Variants in RBM20 observed in about 807,000 individuals in gnomAD.
RBM20 encodes RNA-binding protein 20.
RBM20 carries 51 observed loss-of-function variants against 110.1 expected under a neutral mutation model. That is an observed-to-expected ratio of 0.46 (90% confidence interval 0.37 to 0.59). RBM20 has a LOEUF of 0.59. RBM20 is among the 20% of genes least tolerant of loss of function. The probability of loss-of-function intolerance (pLI) is 0.00; values close to 1 mark genes in which losing one functional copy is unlikely to be tolerated. For synonymous variants in RBM20, 589 were observed against 618.2 expected (o/e 0.95, Z 0.70); for missense variants, 1,512 against 1,574.9 (o/e 0.96, Z 0.68).
intron 1 of RBM20, among the ~76,000 whole-genome samples, chr10:110,716,783 G>A (rs1261839375): frequency 2.0e-5 from 3 of 151,926 alleles, no homozygotes; most frequent in Non-Finnish European, 2.9e-5. Context: ...CAGGTGTGGT[G>A]GTGGGCGCCT....
chr10:110,816,892 A>G (rs1844846977), intron 9 of RBM20, among the ~76,000 whole-genome samples: 1 of 152,222 alleles, frequency 6.6e-6, no homozygotes, highest in East Asian at 1.9e-4. Context: ...TACTGTAAAG[A>G]GGTCATGCTC....
chr10:110,813,955 G>C (rs1286489240), intron 9 of RBM20, among the ~76,000 whole-genome samples: 1 of 152,020 alleles, frequency 6.6e-6, no homozygotes, highest in Non-Finnish European at 1.5e-5. Flanking sequence ...GAGGGTTGTG[G>C]TTACCAGGTT....
intron 12 of RBM20, among the ~76,000 whole-genome samples, chr10:110,824,540 A>T (rs997069019): frequency 2.6e-5 from 4 of 152,116 alleles, no homozygotes; most frequent in African/African-American, 9.7e-5. Context: ...CCTCTCTGTA[A>T]TTTAGACAGC....
chr10:110,670,332 G>C (rs906597608), intron 1 of RBM20, among the ~76,000 whole-genome samples: 31 of 152,200 alleles, frequency 2.0e-4, no homozygotes, highest in Admixed American at 6.5e-4. Flanking sequence ...CTCTTTCCCA[G>C]GGACTGTTGG....
intron 1 of RBM20, among the ~76,000 whole-genome samples, chr10:110,746,590 C>G (rs1248708550): frequency 2.0e-5 from 3 of 152,208 alleles, no homozygotes; most frequent in Non-Finnish European, 2.9e-5. Context: ...AAGGCCGGCA[C>G]CAAATTCCAC....
intron 1 of RBM20, among the ~76,000 whole-genome samples, chr10:110,684,659 G>GTA: frequency 6.6e-6 from 1 of 152,292 alleles, no homozygotes; most frequent in East Asian, 1.9e-4. Context: ...CACTCATAAT[G>GTA]GGAAATTGCA....
Position 110,821,144 on chromosome 10 carries a change from G to A in RBM20, c.2656-131G>A, listed in dbSNP as rs564634329. 8.6e-4 allele frequency: 653 copies of A among 760,342 alleles called. 1 individual carries two copies. The highest frequency in any genetic ancestry group is 2.5e-3 in the Admixed American group (91 of 36,446). 47.1% of individuals were successfully genotyped at this position (760,342 alleles called of 1,614,324 possible). ...TGCCGTGGGACTTGAGTGGTTCACA[G>A]TAATTGTACCAGGTAGAGGTAAGAA... On this transcript the variant is annotated intron_variant, in intron 10 of 13. Coordinates refer to ENST00000369519, the MANE Select transcript of RBM20 (RefSeq NM_001134363.3).
At chr10:110,718,493 T>C (rs1007535428) in intron 1 of RBM20, among the ~76,000 whole-genome samples, 2 of 151,988 alleles carry the variant, frequency 1.3e-5, no homozygotes, top group African/African-American at 4.8e-5. Flanking sequence ...CATGCATAGA[T>C]AGTTTGTTTT....
intron 1 of RBM20, among the ~76,000 whole-genome samples, chr10:110,660,872 A>C (rs1590601041): frequency 6.6e-6 from 1 of 152,260 alleles, no homozygotes; most frequent in East Asian, 1.9e-4. Flanking sequence ...GTCCATGGAA[A>C]AATTGTCTTC....
chr10:110,727,405 A>T (rs1242745536), intron 1 of RBM20, among the ~76,000 whole-genome samples: 21 of 139,138 alleles, frequency 1.5e-4, no homozygotes, highest in African/African-American at 3.9e-4. Flanking sequence ...GTCTCAAAAA[A>T]TAAAAATAAA....
chr10:110,715,956 A>G (rs970901053), intron 1 of RBM20, among the ~76,000 whole-genome samples: 1 of 152,198 alleles, frequency 6.6e-6, no homozygotes, highest in African/African-American at 2.4e-5. Flanking sequence ...AAAGAACTAG[A>G]TGAGCATGAG....
chr10:110,674,549 C>T (rs921396240), intron 1 of RBM20, among the ~76,000 whole-genome samples: 7 of 152,228 alleles, frequency 4.6e-5, no homozygotes, highest in Non-Finnish European at 8.8e-5. Flanking sequence ...TCAATAATGT[C>T]TCCCAAGTCT....
At chr10:110,743,821 A>G (rs1328879043) in intron 1 of RBM20, among the ~76,000 whole-genome samples, 1 of 152,072 alleles carries the variant, frequency 6.6e-6, no homozygotes, top group Non-Finnish European at 1.5e-5. Flanking sequence ...TCACCATGTT[A>G]GCCAGGCTGG....
chr10:110,684,433 AAG>A (rs1348602932), intron 1 of RBM20, among the ~76,000 whole-genome samples: 1 of 151,860 alleles, frequency 6.6e-6, no homozygotes, highest in African/African-American at 2.4e-5. Flanking sequence ...ACAAAAGAAA[AAG>A]AAAAAGAAAA....
At chr10:110,678,699 C>T (rs183970496) in intron 1 of RBM20, among the ~76,000 whole-genome samples, 1 of 152,270 alleles carries the variant, frequency 6.6e-6, no homozygotes, top group Admixed American at 6.5e-5. Context: ...AGCCTGATGA[C>T]CTTGAAAGAT....
chr10:110,717,105 A>G (rs1863031256), intron 1 of RBM20, among the ~76,000 whole-genome samples: 2 of 151,988 alleles, frequency 1.3e-5, no homozygotes, highest in Admixed American at 1.3e-4. Context: ...AGGCCCCAGC[A>G]CTAGTGTGGC....
chr10:110,645,330 T>C (rs1448908329), intron 1 of RBM20, among the ~76,000 whole-genome samples: 2 of 152,200 alleles, frequency 1.3e-5, no homozygotes, highest in South Asian at 2.1e-4. Context: ...TTGAGGAACA[T>C]ACAAGTAAAA....
chr10:110,762,867 CAG>C (rs1844024989), intron 1 of RBM20, among the ~76,000 whole-genome samples: 1 of 152,182 alleles, frequency 6.6e-6, no homozygotes, highest in South Asian at 2.1e-4. Context: ...TGAAAGAAGA[CAG>C]AGAGAGGAAG....
At chr10:110,768,040 C>T (rs1844131132) in intron 1 of RBM20, among the ~76,000 whole-genome samples, 1 of 152,236 alleles carries the variant, frequency 6.6e-6, no homozygotes, top group South Asian at 2.1e-4. Context: ...CCAGCCCGGC[C>T]AACACAGCGA....
Sources: allele counts gnomAD v4.1 joint callset (sites outside exome capture counted in the v4.1 genomes callset), GRCh38; gene constraint gnomAD v4.1.1; transcripts MANE v1.5; gene names NCBI Gene and HGNC (gene_info 2026-07-23, HGNC 2026-07-21).